The following LARP4 variants were observed in gnomAD, a reference collection of about 807,000 sequenced individuals.
LARP4 encodes la-related protein 4.
A neutral mutation model predicts 92.9 loss-of-function variants in LARP4; 29 were observed. The observed-to-expected ratio is 0.31, with a 90% confidence interval of 0.23 to 0.43. The LOEUF (loss-of-function observed/expected upper bound fraction) is 0.43. Among genes scored for constraint, LARP4 ranks in the 20% least tolerant of loss-of-function variants. The pLI is 1.00. For synonymous variants in LARP4, 279 were observed against 284.1 expected (o/e 0.98, Z 0.18); for missense variants, 732 against 860.0 (o/e 0.85, Z 1.86).
In LARP4 at chr12:50,441,578, C is replaced by CT. The variant is rs761995284; in HGVS notation, c.751-9dup. On this transcript the variant is annotated splice_polypyrimidine_tract_variant and intron_variant, in intron 7 of 15. Transcript: ENST00000398473. Reference sequence around the variant, plus strand: ...AATGCTAATGAAAGTTTTTTTTGTGCTTTGTTAACAGGCTTTTAAATACTT... The same window carrying CT: ...AATGCTAATGAAAGTTTTTTTTGTGCTTTTGTTAACAGGCTTTTAAATACTT... 1 of 1,569,666 alleles carries CT rather than the reference C, an allele frequency of 6.4e-7. No individual in the cohort carries two copies. Among genetic ancestry groups the CT allele is most frequent in the Admixed American group, 2.0e-5 (1 of 49,762 alleles).
chr12:50,473,599 C>G, intron 14 of LARP4, 63 bp downstream of exon 14: 1 of 1,550,316 alleles, frequency 6.5e-7, no homozygotes, highest in South Asian at 1.2e-5. Context: ...GGTGTGGTGG[C>G]TCTCACCTGT....
chr12:50,460,644 A>G (rs1182690298), intron 10 of LARP4, among the ~76,000 whole-genome samples: 1 of 151,908 alleles, frequency 6.6e-6, no homozygotes. Context: ...TTTAATGTAA[A>G]ATTTACTTCA....
intron 10 of LARP4, among the ~76,000 whole-genome samples, chr12:50,459,781 G>A (rs561052070): frequency 1.2e-4 from 17 of 137,994 alleles, no homozygotes; most frequent in Admixed American, 9.4e-4. Context: ...CTGAGATCGC[G>A]CCATTGCACT....
intron 12 of LARP4, among the ~76,000 whole-genome samples, chr12:50,464,133 G>C (rs187418611): frequency 6.6e-6 from 1 of 151,994 alleles, no homozygotes; most frequent in Non-Finnish European, 1.5e-5. Context: ...ACCAATTTTC[G>C]TTAAGCCGTT....
intron 12 of LARP4, 44 bp downstream of exon 12, chr12:50,462,674 G>T (rs935361066): frequency 7.3e-6 from 9 of 1,240,250 alleles, no homozygotes; most frequent in South Asian, 1.3e-5. Flanking sequence ...TCTCTTCTGT[G>T]ATTTACTATG....
intron 1 of LARP4, among the ~76,000 whole-genome samples, chr12:50,403,886 T>G (rs1944322058): frequency 1.3e-5 from 2 of 152,034 alleles, no homozygotes. Flanking sequence ...CTGTACATCT[T>G]AAGTCTCAAT....
chr12:50,473,718 T>G (rs1196221522), intron 14 of LARP4, among the ~76,000 whole-genome samples, 182 bp downstream of exon 14: 1 of 148,388 alleles, frequency 6.7e-6, no homozygotes, highest in Non-Finnish European at 1.5e-5. Flanking sequence ...ATACAAAAAT[T>G]AGCTGGGCGT....
chr12:50,454,195 A>C (rs1953800159), intron 9 of LARP4, 119 bp from the exon 10 acceptor site: 1 of 642,540 alleles, frequency 1.6e-6, no homozygotes, highest in South Asian at 2.2e-5. Flanking sequence ...TCAGTAAAAT[A>C]TTTTAAGATA....
At position 50,465,388 on chromosome 12, in the gene LARP4, A is replaced by AG. The variant is rs1451570450; in HGVS notation, c.1384-1571_1384-1570insG. ...CTCTGTCTCAAAAAAAAAAAAAAAA[A>AG]AGAGAGATTAGATTTGGGGTTTATT... On this transcript the variant is annotated intron_variant, in intron 12 of 15. Coordinates refer to ENST00000398473, the MANE Select transcript of LARP4 (RefSeq NM_052879.5). 1.7e-4 allele frequency among the ~76,000 whole-genome samples: 25 copies of AG among 151,174 alleles called. 1 individual carries two copies. The South Asian group carries it at 2.1e-3, about 13-fold the overall frequency.
chr12:50,437,866 A>G (rs1182900232), intron 6 of LARP4, 28 bp downstream of exon 6: 2 of 1,355,182 alleles, frequency 1.5e-6, no homozygotes, highest in Non-Finnish European at 2.1e-6. Flanking sequence ...GTTAACACTA[A>G]ATGTTCTCTG....
intron 8 of LARP4, among the ~76,000 whole-genome samples, chr12:50,444,310 A>C (rs1005108467): frequency 4.0e-5 from 6 of 149,988 alleles, no homozygotes; most frequent in Non-Finnish European, 8.9e-5. Flanking sequence ...TATTCCTTAT[A>C]CCTCCCATTT....
rs936073394 is a variant in LARP4, at chr12:50,462,668, T to C, written c.1383+38T>C. On this transcript the variant is annotated intron_variant, in intron 12 of 15. Coordinates refer to ENST00000398473, the MANE Select transcript of LARP4 (RefSeq NM_052879.5). ...AAACTTTTATTCAGACTTTTTTCTC[T>C]TCTGTGATTTACTATGGCATTGACT... 3.7e-6 allele frequency: 5 copies of C among 1,356,934 alleles called. No individual in the cohort carries two copies. The African/African-American group carries it at 7.3e-5, about 20-fold the overall frequency. The allele number at this position is 1,356,934 out of a possible 1,614,324, so 84.1% of individuals were successfully genotyped here. A position where few individuals can be genotyped will look rare whatever the true frequency, so the allele number is the denominator to read the frequency against.
intron 11 of LARP4, 90 bp from the exon 12 acceptor site, chr12:50,462,492 G>A (rs984506849): frequency 5.4e-5 from 38 of 708,190 alleles, no homozygotes; most frequent in African/African-American, 6.3e-5. Flanking sequence ...AAAAAAAAAT[G>A]TGTACGGCTT....
At chr12:50,424,398 G>T (rs1428604317) in intron 1 of LARP4, among the ~76,000 whole-genome samples, 1 of 148,990 alleles carries the variant, frequency 6.7e-6, no homozygotes, top group Non-Finnish European at 1.5e-5. Flanking sequence ...CGCTCTTGTC[G>T]CCCAGGCTGG....
Position 50,459,028 on chromosome 12 carries a change from TG to T in LARP4, c.1122-2106del, listed in dbSNP as rs1353736933. ...TGTTTTGTTTTTTGAGACGGAGTTT[TG>T]TTTTTGTTGCCCAGGCTGGAGTGCA... On this transcript the variant is annotated intron_variant, in intron 10 of 15. Coordinates refer to ENST00000398473, the MANE Select transcript of LARP4 (RefSeq NM_052879.5). Among the ~76,000 whole-genome samples, 6 of 152,302 alleles carry T rather than the reference TG, an allele frequency of 3.9e-5. 1 individual carries two copies. The East Asian group carries it at 1.2e-3, about 29-fold the overall frequency.
At position 50,479,145 on chromosome 12, in the gene LARP4, T is replaced by C. The variant is rs969903256; in HGVS notation, c.*3281T>C. 2.6e-5 allele frequency: 4 copies of C among 152,642 alleles called. No homozygotes were observed. The highest frequency in any genetic ancestry group is 5.9e-5 in the Non-Finnish European group (4 of 68,020). The allele number at this position is 152,642 out of a possible 1,614,324, so 9.5% of individuals were successfully genotyped here. ...AAGTTAATGAACACTTCTCTAGTTT[T>C]CTTAGTTATGGCCTTAATAATTAGT... On this transcript the variant is annotated 3_prime_UTR_variant, in exon 16 of 16. Coordinates refer to ENST00000398473, the MANE Select transcript of LARP4 (RefSeq NM_052879.5).
At chr12:50,445,637 T>C (rs918216693) in intron 8 of LARP4, among the ~76,000 whole-genome samples, 2 of 152,190 alleles carry the variant, frequency 1.3e-5, no homozygotes, top group Non-Finnish European at 2.9e-5. Flanking sequence ...GTTGTTGTTG[T>C]TCTCCAGATT....
chr12:50,473,426 G>A lies in LARP4; in HGVS notation c.1557G>A (p.Glu519=), dbSNP rs1957153084. 3 of 1,613,110 alleles carry A rather than the reference G, an allele frequency of 1.9e-6. No homozygotes were observed. Among genetic ancestry groups the A allele is most frequent in the Non-Finnish European group, 2.5e-6 (3 of 1,179,304 alleles). Residue 519 remains glutamate, a synonymous_variant, in exon 14 of 16, where the codon GAG becomes GAA. Transcript: ENST00000398473. ...KGVYKEKDNE[E]LTISCPVPAD... is the part of the protein sequence containing the mutation. ...CTTTTTACTTTAAGGATAATGAAGA[G>A]TTGACAATTAGTTGCCCAGTGCCTG...
At chr12:50,452,678 T>C (rs1463585874) in intron 8 of LARP4, among the ~76,000 whole-genome samples, 1 of 152,166 alleles carries the variant, frequency 6.6e-6, no homozygotes, top group Admixed American at 6.6e-5. Flanking sequence ...TGATGATTAG[T>C]GATTTTGAGC....
Sources: allele counts gnomAD v4.1 joint callset (sites outside exome capture counted in the v4.1 genomes callset), GRCh38; gene constraint gnomAD v4.1.1; transcripts MANE v1.5; gene names NCBI Gene and HGNC (gene_info 2026-07-23, HGNC 2026-07-21).